The following NOX4 variants were observed in gnomAD, a reference collection of about 807,000 sequenced individuals.
NOX4 encodes the protein kidney oxidase-1.
NOX4 carries 69 observed loss-of-function variants against 87.6 expected under a neutral mutation model. That is an observed-to-expected ratio of 0.79 (90% CI 0.65 to 0.96). The LOEUF (loss-of-function observed/expected upper bound fraction) is 0.96, where lower values mean the gene tolerates loss of function less well. Ranked by LOEUF, NOX4 falls within the 40% of genes least tolerant of loss-of-function variation. The pLI, the probability that NOX4 is intolerant of heterozygous loss-of-function variation, is 0.00. For synonymous variants in NOX4, 275 were observed against 238.2 expected, an observed-to-expected ratio of 1.15 and a Z score of -1.42; for missense variants, 680 against 681.5, an observed-to-expected ratio of 1.00 and a Z score of 0.02.
At chr11:89,425,264 C>T (rs1943313858) in intron 7 of NOX4, among the ~76,000 whole-genome samples, 2 of 151,890 alleles carry the variant, frequency 1.3e-5, no homozygotes, top group East Asian at 1.9e-4. Flanking sequence ...TTCTGTACAC[C>T]AATTTTTCAT....
chr11:89,396,984 G>A (rs886632378), intron 11 of NOX4, among the ~76,000 whole-genome samples: 3 of 32,340 alleles, frequency 9.3e-5, no homozygotes, highest in Non-Finnish European at 1.4e-4. Context: ...AGATATCTAC[G>A]AACTCTCCAC....
At chr11:89,336,996 A>G (rs187536343) in intron 16 of NOX4, among the ~76,000 whole-genome samples, 1 of 152,206 alleles carries the variant, frequency 6.6e-6, no homozygotes, top group East Asian at 1.9e-4. Context: ...CTCTGTTTTA[A>G]TTACATAAAC....
At chr11:89,535,612 T>G in the NOX4 span, among the ~76,000 whole-genome samples, 3 of 152,172 alleles carry the variant, frequency 2.0e-5, no homozygotes, top group Non-Finnish European at 4.4e-5. Context: ...TTCCTTTCTC[T>G]ACTCTTTTTC....
the NOX4 span, chr11:89,534,127 C>T: frequency 3.3e-5 from 5 of 152,326 alleles, no homozygotes; most frequent in Admixed American, 6.5e-5. Flanking sequence ...TCAGTGGCAC[C>T]GTTCTGTGAT....
intron 11 of NOX4, among the ~76,000 whole-genome samples, chr11:89,395,249 G>A (rs1264125534): frequency 2.6e-5 from 4 of 152,114 alleles, no homozygotes; most frequent in African/African-American, 7.2e-5. Context: ...TTCTGTGATG[G>A]CCAGTAATAA....
intron 11 of NOX4, among the ~76,000 whole-genome samples, chr11:89,383,649 C>A (rs1287304788): frequency 6.6e-6 from 1 of 152,156 alleles, no homozygotes; most frequent in Non-Finnish European, 1.5e-5. Context: ...GCTTCGAAAC[C>A]TCTTAAAACT....
chr11:89,389,031 C>G (rs745817441), intron 11 of NOX4, among the ~76,000 whole-genome samples: 2 of 152,172 alleles, frequency 1.3e-5, no homozygotes, highest in Admixed American at 6.6e-5. Flanking sequence ...GGAAGTAGAG[C>G]ATACAGGTCT....
At chr11:89,568,561 G>T in the NOX4 span, among the ~76,000 whole-genome samples, 1 of 152,180 alleles carries the variant, frequency 6.6e-6, no homozygotes, top group African/African-American at 2.4e-5. Context: ...AATAATCCAT[G>T]GTCATCTGTA....
chr11:89,397,632 T>A (rs1158567843), intron 11 of NOX4, among the ~76,000 whole-genome samples: 1 of 152,022 alleles, frequency 6.6e-6, no homozygotes, highest in African/African-American at 2.4e-5. Context: ...ATAAAAGGGA[T>A]ATGACCACTG....
the NOX4 span, chr11:89,545,853 G>A: frequency 1.3e-5 from 2 of 152,048 alleles, no homozygotes; most frequent in African/African-American, 4.8e-5. Flanking sequence ...ACAGTCCTCT[G>A]ACTTCGGAGT....
the NOX4 span, among the ~76,000 whole-genome samples, chr11:89,507,044 T>A: frequency 1.3e-5 from 2 of 151,912 alleles, no homozygotes; most frequent in East Asian, 3.9e-4. Context: ...AAATCAGACA[T>A]AAAAATATGT....
intron 2 of NOX4, among the ~76,000 whole-genome samples, chr11:89,476,915 T>C (rs1376080366): frequency 6.6e-6 from 1 of 152,108 alleles, no homozygotes; most frequent in African/African-American, 2.4e-5. Context: ...AATTAGAAGA[T>C]ACATATACAT....
chr11:89,523,887 T>C, the NOX4 span, among the ~76,000 whole-genome samples: 9 of 152,324 alleles, frequency 5.9e-5, no homozygotes, highest in African/African-American at 1.7e-4. Context: ...AACATATGTA[T>C]AGCATGATTT....
chr11:89,532,849 C>T, the NOX4 span, among the ~76,000 whole-genome samples: 4 of 152,070 alleles, frequency 2.6e-5, no homozygotes, highest in African/African-American at 9.7e-5. Flanking sequence ...AGTTCTCATG[C>T]GATCTGATGG....
the NOX4 span, among the ~76,000 whole-genome samples, chr11:89,523,066 C>T: frequency 6.6e-6 from 1 of 152,040 alleles, no homozygotes; most frequent in African/African-American, 2.4e-5. Flanking sequence ...TGCTCTGTCG[C>T]CAGGCTGAAA....
chr11:89,429,782 G>A (rs977376043), intron 7 of NOX4, among the ~76,000 whole-genome samples: 1 of 152,102 alleles, frequency 6.6e-6, no homozygotes, highest in African/African-American at 2.4e-5. Context: ...GGTACAAGGA[G>A]GAGCTCATAC....
chr11:89,378,072 T>C (rs1027677782), intron 11 of NOX4, among the ~76,000 whole-genome samples: 1 of 152,154 alleles, frequency 6.6e-6, no homozygotes, highest in Non-Finnish European at 1.5e-5. Flanking sequence ...CCAACAGGCT[T>C]CCCAAAGAAA....
chr11:89,533,123 G>A, the NOX4 span, among the ~76,000 whole-genome samples: 1 of 152,250 alleles, frequency 6.6e-6, no homozygotes, highest in East Asian at 1.9e-4. Flanking sequence ...ATGAATGTAT[G>A]TATTGGAATC....
At chr11:89,578,193 C>T in the NOX4 span, among the ~76,000 whole-genome samples, 3 of 149,630 alleles carry the variant, frequency 2.0e-5, no homozygotes, top group South Asian at 2.1e-4. Context: ...AACAGAGTCT[C>T]GCTCTGTTGC....
Sources: allele counts gnomAD v4.1 joint callset (sites outside exome capture counted in the v4.1 genomes callset), GRCh38; gene constraint gnomAD v4.1.1; transcripts MANE v1.5; gene names NCBI Gene and HGNC (gene_info 2026-07-23, HGNC 2026-07-21).